Variants in PPP3CA observed in about 807,000 individuals in gnomAD.
PPP3CA encodes the protein protein phosphatase 3 catalytic subunit alpha.
PPP3CA carries 14 observed loss-of-function variants against 66.5 expected under a neutral mutation model. The observed-to-expected ratio is 0.21, with a 90% CI of 0.14 to 0.33. The LOEUF (loss-of-function observed/expected upper bound fraction) is 0.33. Among genes scored for constraint, PPP3CA ranks in the 10% least tolerant of loss-of-function variants. The pLI, the probability that PPP3CA is intolerant of heterozygous loss-of-function variation, is 1.00. For missense variants in PPP3CA, 317 were observed against 639.5 expected (o/e 0.50, Z 5.44); for synonymous variants, 232 against 226.2 (o/e 1.03, Z -0.23).
intron 2 of PPP3CA, among the ~76,000 whole-genome samples, chr4:101,185,100 T>C (rs1269523309): frequency 6.6e-6 from 1 of 151,986 alleles, no homozygotes; most frequent in Non-Finnish European, 1.5e-5. Flanking sequence ...GTTTAAATTG[T>C]CTCCTTAGAT....
At chr4:101,174,152 G>C (rs908710681) in intron 2 of PPP3CA, among the ~76,000 whole-genome samples, 1 of 151,884 alleles carries the variant, frequency 6.6e-6, no homozygotes, top group African/African-American at 2.4e-5. Flanking sequence ...AAATAGTTTG[G>C]AAGTTACTGA....
chr4:101,273,249 TTTCA>T (rs1727388049), intron 1 of PPP3CA, among the ~76,000 whole-genome samples: 1 of 152,252 alleles, frequency 6.6e-6, no homozygotes, highest in African/African-American at 2.4e-5. Flanking sequence ...TTAACACATT[TTTCA>T]TTCAGAGATT....
At chr4:101,099,218 G>A (rs1414547987) in intron 4 of PPP3CA, among the ~76,000 whole-genome samples, 1 of 152,078 alleles carries the variant, frequency 6.6e-6, no homozygotes, top group African/African-American at 2.4e-5. Context: ...AGTTTTATAA[G>A]ATTCACTAGA....
chr4:101,281,708 G>A (rs541931328), intron 1 of PPP3CA, among the ~76,000 whole-genome samples: 8 of 152,250 alleles, frequency 5.3e-5, no homozygotes, highest in African/African-American at 1.9e-4. Context: ...TAAGTCAATC[G>A]AATGTAATAA....
intron 3 of PPP3CA, among the ~76,000 whole-genome samples, chr4:101,101,846 T>C (rs1356186715): frequency 6.6e-6 from 1 of 152,184 alleles, no homozygotes; most frequent in Non-Finnish European, 1.5e-5. Context: ...GTTTTGCCTG[T>C]AACAATTTGT....
chr4:101,260,841 T>G (rs2110255464), intron 1 of PPP3CA, among the ~76,000 whole-genome samples: 1 of 152,270 alleles, frequency 6.6e-6, no homozygotes, highest in Admixed American at 6.6e-5. Flanking sequence ...TCACCTACTT[T>G]CTGGTTACTT....
rs775018059 is a variant in PPP3CA at position 101,106,453 on chromosome 4, G to GAAAGAAAGAAAGAAAGAAA, written c.384+2500_384+2501insTTTCTTTCTTTCTTTCTTT. Reference sequence around the variant, plus strand: ...AGAAAGAAAGAAAGAAAGAAAGAAAGAGAAAAGAAAAGAAAAGAAAAGAAA... The same window carrying GAAAGAAAGAAAGAAAGAAA: ...AGAAAGAAAGAAAGAAAGAAAGAAAGAAAGAAAGAAAGAAAGAAAAGAAAAGAAAAGAAAAGAAAAGAAA... On this transcript the variant is annotated intron_variant, in intron 3 of 13. Coordinates refer to ENST00000394854, the MANE Select transcript of PPP3CA (RefSeq NM_000944.5). Among the ~76,000 whole-genome samples the GAAAGAAAGAAAGAAAGAAA allele has an allele frequency of 5.6e-5, 2 of 35,512 alleles. 1 individual carries two copies. 23.3% of individuals were successfully genotyped at this position (35,512 alleles called of 152,430 possible).
chr4:101,228,097 T>C (rs572904502), intron 1 of PPP3CA, among the ~76,000 whole-genome samples: 6 of 151,848 alleles, frequency 4.0e-5, no homozygotes, highest in Admixed American at 3.9e-4. Flanking sequence ...TAAAATCTAA[T>C]ATGACAAATA....
chr4:101,271,029 C>T (rs1561719), intron 1 of PPP3CA, among the ~76,000 whole-genome samples: 28,822 of 151,874 alleles, frequency 0.19, 3,397 homozygotes, highest in East Asian at 0.51. Context: ...AAGCAATCCT[C>T]CCACCTCAGC....
rs528845839 is a variant in PPP3CA at position 101,249,883 on chromosome 4, C to T, written c.59-53767G>A. ...GAAGACAGTTCCCTCAATACATTTA[C>T]AACATAATACAAAATAGCAAACTAA... On this transcript the variant is annotated intron_variant, in intron 1 of 13. Transcript: ENST00000394854. Among the ~76,000 whole-genome samples, 104 of 152,152 alleles carry T rather than the reference C, an allele frequency of 6.8e-4. 1 individual carries two copies. The highest frequency in any genetic ancestry group is 1.2e-3 in the Non-Finnish European group (79 of 67,976).
At chr4:101,103,076 A>G (rs972210280) in intron 3 of PPP3CA, among the ~76,000 whole-genome samples, 6 of 152,216 alleles carry the variant, frequency 3.9e-5, no homozygotes, top group Non-Finnish European at 4.4e-5. Context: ...TTCCCCAATG[A>G]AGCAGCACTA....
At chr4:101,083,303 A>T (rs1201851181) in intron 6 of PPP3CA, 40 bp from the exon 7 acceptor site, 1 of 1,532,098 alleles carries the variant, frequency 6.5e-7, no homozygotes, top group South Asian at 1.1e-5. Flanking sequence ...TCTGTTAGGA[A>T]ATCATCAGGA....
At chr4:101,150,540 T>C (rs1280497677) in intron 2 of PPP3CA, among the ~76,000 whole-genome samples, 1 of 152,214 alleles carries the variant, frequency 6.6e-6, no homozygotes. Flanking sequence ...TAAGCCACTT[T>C]ATGTAATGAT....
At chr4:101,234,670 C>G (rs1318243036) in intron 1 of PPP3CA, among the ~76,000 whole-genome samples, 1 of 151,446 alleles carries the variant, frequency 6.6e-6, no homozygotes, top group African/African-American at 2.4e-5. Flanking sequence ...CAAAGTGGAA[C>G]CAATTGCTTG....
intron 1 of PPP3CA, among the ~76,000 whole-genome samples, chr4:101,219,184 T>A: frequency 6.6e-6 from 1 of 152,014 alleles, no homozygotes; most frequent in East Asian, 1.9e-4. Context: ...TGCTTCAAAG[T>A]TTCCTATTTC....
chr4:101,123,530 T>C (rs1198431674), intron 2 of PPP3CA, among the ~76,000 whole-genome samples: 1 of 152,140 alleles, frequency 6.6e-6, no homozygotes. Context: ...TATGACGCTG[T>C]AAAGATTAAC....
intron 3 of PPP3CA, among the ~76,000 whole-genome samples, chr4:101,106,445 G>GA (rs1185507383): frequency 2.5e-4 from 3 of 12,192 alleles, no homozygotes; most frequent in African/African-American, 8.6e-4. Flanking sequence ...AAGAAAGAAA[G>GA]AAAGAAAGAG....
chr4:101,201,320 A>G (rs1724960942), intron 1 of PPP3CA, among the ~76,000 whole-genome samples: 1 of 152,188 alleles, frequency 6.6e-6, no homozygotes, highest in African/African-American at 2.4e-5. Flanking sequence ...AATTTCTACA[A>G]AACCTCAACC....
chr4:101,029,347 T>TAAAAAAAAACA (rs1726817120), intron 12 of PPP3CA, 152 bp from the exon 13 acceptor site: 1 of 78,822 alleles, frequency 1.3e-5, no homozygotes, highest in African/African-American at 7.1e-5. Flanking sequence ...ACAGAAATGC[T>TAAAAAAAAACA]AAAAAAAAAA....
Sources: gnomAD v4.1 joint callset for allele counts (sites outside exome capture counted in the v4.1 genomes callset) on GRCh38, gnomAD v4.1.1 for gene constraint, MANE v1.5 for transcripts, NCBI Gene and HGNC (gene_info 2026-07-23, HGNC 2026-07-21) for gene names.